The following ASB7 variants were observed in gnomAD, a reference collection of about 807,000 sequenced individuals.
ASB7 encodes the protein ankyrin repeat and SOCS box containing 7.
ASB7 carries 4 observed loss-of-function variants against 32.5 expected under a neutral mutation model. The observed-to-expected ratio is 0.12, with a 90% CI of 0.06 to 0.28. ASB7 has a LOEUF of 0.28. ASB7 is among the 10% of genes least tolerant of loss of function. The probability of loss-of-function intolerance (pLI) is 1.00; values close to 1 mark genes in which losing one functional copy is unlikely to be tolerated. For synonymous variants in ASB7, 172 were observed against 155.6 expected, an observed-to-expected ratio of 1.11 and a Z score of -0.78; for missense variants, 181 against 407.1, an observed-to-expected ratio of 0.44 and a Z score of 4.78.
intron 4 of ASB7, 59 bp downstream of exon 4, chr15:100,612,486 T>A: frequency 6.9e-7 from 1 of 1,442,740 alleles, no homozygotes; most frequent in Non-Finnish European, 9.8e-7. Flanking sequence ...ATGTTTAGTT[T>A]AAAATGTGTC....
At chr15:100,642,095 C>T (rs571230481) in intron 5 of ASB7, among the ~76,000 whole-genome samples, 5 of 152,296 alleles carry the variant, frequency 3.3e-5, no homozygotes, top group South Asian at 2.1e-4. Context: ...ATTCTCCCAA[C>T]AACACACATT....
At chr15:100,624,355 A>G (rs2039819175) in intron 4 of ASB7, among the ~76,000 whole-genome samples, 1 of 152,234 alleles carries the variant, frequency 6.6e-6, no homozygotes, top group Non-Finnish European at 1.5e-5. Flanking sequence ...GATGATGGAT[A>G]ACGCAGATAC....
At chr15:100,618,627 G>GTC (rs1476829640) in intron 4 of ASB7, among the ~76,000 whole-genome samples, 3 of 151,592 alleles carry the variant, frequency 2.0e-5, no homozygotes, top group African/African-American at 7.3e-5. Context: ...TGTGTGGTGT[G>GTC]TGTGTGTGTG....
chr15:100,634,339 G>A (rs577197985), intron 5 of ASB7, among the ~76,000 whole-genome samples: 4 of 152,212 alleles, frequency 2.6e-5, no homozygotes, highest in Non-Finnish European at 5.9e-5. Context: ...ATATAAAAGT[G>A]AGGCTTTAAT....
intron 2 of ASB7, among the ~76,000 whole-genome samples, chr15:100,604,005 A>G (rs1199993672): frequency 3.9e-5 from 6 of 152,210 alleles, no homozygotes; most frequent in Non-Finnish European, 8.8e-5. Flanking sequence ...GAAACTTATA[A>G]AGATACAATG....
chr15:100,629,528 A>G lies in ASB7; in HGVS notation c.303A>G (p.Leu101=). The change falls in exon 5 of 6, where the codon TTA becomes TTG. Residue 101 remains leucine, a synonymous_variant. Coordinates refer to ENST00000332783, the MANE Select transcript of ASB7 (RefSeq NM_198243.3). This position sits in a 1 kb window ranked among gnomAD's most constrained non-coding sequence, Gnocchi z 6.8. ...GGGCCCGCATTGCACGCTTGATGTT[A>G]GAATCTGAATACAGGAGCGACATCA... ...HGRARIARLM[L]ESEYRSDIIN... The G allele has an allele frequency of 6.2e-7, 1 of 1,614,156 alleles. No individual in the cohort carries two copies. Among genetic ancestry groups the G allele is most frequent in the Non-Finnish European group, 8.5e-7 (1 of 1,179,986 alleles).
At chr15:100,607,131 A>G (rs1832332884) in intron 2 of ASB7, among the ~76,000 whole-genome samples, 1 of 151,744 alleles carries the variant, frequency 6.6e-6, no homozygotes. Context: ...CCAGCCTGGC[A>G]ATAGAGCGAG....
At chr15:100,627,325 T>G (rs985228913) in intron 4 of ASB7, among the ~76,000 whole-genome samples, 2 of 152,208 alleles carry the variant, frequency 1.3e-5, no homozygotes, top group African/African-American at 4.8e-5. Context: ...TAAAAGGACA[T>G]TTGAGTGGAT....
At chr15:100,625,138 G>A (rs1381500773) in intron 4 of ASB7, among the ~76,000 whole-genome samples, 1 of 152,182 alleles carries the variant, frequency 6.6e-6, no homozygotes, top group Non-Finnish European at 1.5e-5. Context: ...CCCGGGTGGT[G>A]AACTACTGAA....
At chr15:100,610,290 C>T (rs146553986) in intron 3 of ASB7, among the ~76,000 whole-genome samples, 181 of 151,902 alleles carry the variant, frequency 1.2e-3, no homozygotes, top group African/African-American at 4.2e-3. Flanking sequence ...GTCAGGAGAT[C>T]GAGACCATCC....
chr15:100,618,345 T>C (rs1268961820), intron 4 of ASB7, among the ~76,000 whole-genome samples: 3 of 151,826 alleles, frequency 2.0e-5, no homozygotes, highest in African/African-American at 7.3e-5. Flanking sequence ...GAACTCCTGA[T>C]CCCAAGTGAT....
intron 4 of ASB7, among the ~76,000 whole-genome samples, chr15:100,612,786 T>G (rs1420009817): frequency 6.6e-6 from 1 of 152,202 alleles, no homozygotes; most frequent in Non-Finnish European, 1.5e-5. Flanking sequence ...CCCCTGTTGA[T>G]TATTGCTTAA....
rs778738580 is a variant in ASB7, at chr15:100,629,583, C to T, written c.358C>T (p.Pro120Ser). ...TGCAAAAAGCAATGACGGCTGGACT[C>T]CCCTCCATGTGGCTGCCCACTACGG... Reference protein sequence around the residue: ...INAKSNDGWTPLHVAAHYGRD... With the variant: ...INAKSNDGWTSLHVAAHYGRD... The change falls in exon 5 of 6, where the codon CCC becomes TCC. Residue 120 changes from proline (P) to serine (S), a missense_variant. Transcript: ENST00000332783. The surrounding 1 kb of genome is among the most constrained non-coding windows in gnomAD (Gnocchi z 6.8). The T allele has an allele frequency of 5.6e-6, 9 of 1,614,102 alleles. No homozygotes were observed. The African/African-American group carries it at 1.1e-4, about 19-fold the overall frequency.
At chr15:100,642,500 A>G (rs1597012411) in intron 5 of ASB7, among the ~76,000 whole-genome samples, 1 of 152,216 alleles carries the variant, frequency 6.6e-6, no homozygotes, top group Non-Finnish European at 1.5e-5. Flanking sequence ...AAACTTTTTC[A>G]TACAGCCCCA....
intron 4 of ASB7, among the ~76,000 whole-genome samples, chr15:100,628,462 G>A (rs1485466905): frequency 6.6e-6 from 1 of 152,174 alleles, no homozygotes; most frequent in African/African-American, 2.4e-5. Context: ...AAATTAAGGT[G>A]ACTTTTACAA....
intron 4 of ASB7, among the ~76,000 whole-genome samples, chr15:100,626,713 T>G (rs917234826): frequency 2.0e-5 from 3 of 152,116 alleles, no homozygotes. Flanking sequence ...TGGTAAGAAC[T>G]GAAATGCCCA....
rs1015791433 is a variant in ASB7 at position 100,651,147 on chromosome 15, T to A, written c.*2685T>A. The A allele has an allele frequency of 5.9e-5, 9 of 152,070 alleles. No individual in the cohort carries two copies. The highest frequency in any genetic ancestry group is 2.2e-4 in the African/African-American group (9 of 41,532). 9.4% of individuals were successfully genotyped at this position (152,070 alleles called of 1,614,324 possible). ...CCAAAGAAACCAGCTTACAAAAGAT[T>A]ATGATCATTAATGAACTGCAAACCT... is the stretch of plus-strand genomic sequence containing the variant. On this transcript the variant is annotated 3_prime_UTR_variant, in exon 6 of 6. Transcript: ENST00000332783.
chr15:100,646,667 T>A, intron 5 of ASB7: 1 of 225,562 alleles, frequency 4.4e-6, no homozygotes, highest in South Asian at 6.4e-5. Flanking sequence ...TCAGGGAGTG[T>A]ACACGACTTG....
chr15:100,618,663 A>G (rs2039765974), intron 4 of ASB7, among the ~76,000 whole-genome samples: 1 of 152,012 alleles, frequency 6.6e-6, no homozygotes, highest in African/African-American at 2.4e-5. Flanking sequence ...AGAGAGGAAG[A>G]AAGAACAAGA....
Sources: gnomAD v4.1 joint callset for allele counts (sites outside exome capture counted in the v4.1 genomes callset) on GRCh38, gnomAD v4.1.1 for gene constraint, Gnocchi (gnomAD v3.1) non-coding constraint, MANE v1.5 for transcripts, NCBI Gene and HGNC (gene_info 2026-07-23, HGNC 2026-07-21) for gene names.